TDRD12: variants seen among roughly 807,000 people sequenced by gnomAD.
TDRD12 encodes the protein tudor domain containing 12.
A neutral mutation model predicts 133.5 loss-of-function variants in TDRD12; 158 were observed. The ratio of observed to expected loss-of-function variants is 1.18; its 90% confidence interval spans 1.04 to 1.35. The LOEUF (loss-of-function observed/expected upper bound fraction) is 1.35. TDRD12 is among the 40% of genes most tolerant of loss of function. TDRD12 has a pLI of 0.00. For synonymous variants in TDRD12, 460 were observed against 477.9 expected, an observed-to-expected ratio of 0.96 and a Z score of 0.49; for missense variants, 1,443 against 1,321.3, an observed-to-expected ratio of 1.09 and a Z score of -1.43.
chr19:32,776,043 C>T (rs1415439964), intron 10 of TDRD12, among the ~76,000 whole-genome samples: 2 of 152,240 alleles, frequency 1.3e-5, no homozygotes, highest in East Asian at 1.9e-4. Context: ...TCTGGGCCCT[C>T]GATGCTGCCT....
intron 4 of TDRD12, 140 bp from the exon 5 acceptor site, chr19:32,748,336 C>A: frequency 1.3e-6 from 1 of 793,558 alleles, no homozygotes; most frequent in Non-Finnish European, 2.0e-6. Flanking sequence ...CAGAGCAGGG[C>A]CAGTGCCAGG....
chr19:32,796,534 A>G (rs1420423910), intron 14 of TDRD12, among the ~76,000 whole-genome samples: 1 of 152,020 alleles, frequency 6.6e-6, no homozygotes, highest in East Asian at 1.9e-4. Context: ...GCGGTGAGGC[A>G]AGATCGCACC....
chr19:32,778,696 T>G (rs534283236), intron 11 of TDRD12, among the ~76,000 whole-genome samples: 2 of 152,074 alleles, frequency 1.3e-5, no homozygotes, highest in African/African-American at 4.8e-5. Flanking sequence ...GATGGGGTTT[T>G]GCCATGTTGG....
intron 1 of TDRD12, among the ~76,000 whole-genome samples, chr19:32,729,778 CT>C (rs1162347194): frequency 0.11 from 8,225 of 73,390 alleles, 23 homozygotes; most frequent in African/African-American, 0.17. Flanking sequence ...TTTTCTTTTT[CT>C]TTTTTTTTTT....
At chr19:32,795,567 T>C (rs1971202054) in intron 14 of TDRD12, among the ~76,000 whole-genome samples, 1 of 152,172 alleles carries the variant, frequency 6.6e-6, no homozygotes, top group African/African-American at 2.4e-5. Context: ...TCCCGTGCTC[T>C]GCCAGTCATT....
intron 1 of TDRD12, among the ~76,000 whole-genome samples, chr19:32,725,569 T>C (rs1968832207): frequency 6.6e-6 from 1 of 152,186 alleles, no homozygotes; most frequent in South Asian, 2.1e-4. Flanking sequence ...GTTACATTGG[T>C]CTATGTGTCT....
intron 2 of TDRD12, 85 bp downstream of exon 2, chr19:32,731,968 C>A: frequency 7.4e-7 from 1 of 1,346,384 alleles, no homozygotes; most frequent in Non-Finnish European, 9.9e-7. Context: ...ATGATTCAAG[C>A]TTTTAGAGTA....
At chr19:32,749,252 G>T (rs1599855280) in intron 5 of TDRD12, among the ~76,000 whole-genome samples, 1 of 152,254 alleles carries the variant, frequency 6.6e-6, no homozygotes, top group South Asian at 2.1e-4. Context: ...TGAGAATGCG[G>T]GTCTGGAGGA....
chr19:32,757,700 T>C (rs765607113), intron 8 of TDRD12, among the ~76,000 whole-genome samples: 1 of 152,128 alleles, frequency 6.6e-6, no homozygotes, highest in Non-Finnish European at 1.5e-5. Flanking sequence ...AGTGAAACAA[T>C]GTTATAACGA....
intron 14 of TDRD12, 77 bp downstream of exon 14, chr19:32,794,890 G>A (rs1324700067): frequency 1.5e-6 from 1 of 648,770 alleles, no homozygotes; most frequent in Non-Finnish European, 2.8e-6. Context: ...CACCTTTGAG[G>A]AAGGTCGTCT....
At chr19:32,758,153 G>A (rs1970050003) in intron 8 of TDRD12, among the ~76,000 whole-genome samples, 1 of 152,126 alleles carries the variant, frequency 6.6e-6, no homozygotes, top group Non-Finnish European at 1.5e-5. Context: ...GAAGAATAAG[G>A]TTATGCTGAC....
intron 10 of TDRD12, 132 bp downstream of exon 10, chr19:32,773,664 C>A (rs955774442): frequency 1.5e-6 from 1 of 647,194 alleles, no homozygotes; most frequent in Non-Finnish European, 2.7e-6. Context: ...TACCACTGTA[C>A]TCCAGCCTGG....
exon 10 of TDRD12, chr19:32,827,380 T>C (rs398040829): frequency 0.066 from 30,162 of 454,052 alleles, 905 homozygotes; most frequent in East Asian, 0.16. Flanking sequence ...TTCTTTTTTT[T>C]TTTTTTTTTT....
intron 11 of TDRD12, 75 bp from the exon 12 acceptor site, chr19:32,790,456 G>A (rs1971036182): frequency 7.8e-6 from 11 of 1,412,402 alleles, no homozygotes; most frequent in Non-Finnish European, 1.1e-5. Flanking sequence ...CTCTGTCAAG[G>A]AAGAACTAAA....
At chr19:32,826,022 G>GTATATA, downstream of TDRD12, 1 of 1,049,620 alleles carries the variant, frequency 9.5e-7, no homozygotes, top group South Asian at 1.5e-5. Context: ...GTACAAAAAA[G>GTATATA]TATATATATA....
chr19:32,750,703 C>A (rs2145520214), intron 6 of TDRD12, among the ~76,000 whole-genome samples: 1 of 152,354 alleles, frequency 6.6e-6, no homozygotes, highest in African/African-American at 2.4e-5. Flanking sequence ...CCTTCCCCTC[C>A]TCTGGCCTGT....
chr19:32,788,320 C>T (rs1452609217), intron 11 of TDRD12, among the ~76,000 whole-genome samples: 1 of 151,862 alleles, frequency 6.6e-6, no homozygotes, highest in Non-Finnish European at 1.5e-5. Flanking sequence ...CTATATTGGC[C>T]AGGCTGGTCT....
At chr19:32,787,655 C>G (rs1287657836) in intron 11 of TDRD12, among the ~76,000 whole-genome samples, 1 of 152,180 alleles carries the variant, frequency 6.6e-6, no homozygotes, top group African/African-American at 2.4e-5. Context: ...ATGGTGGACA[C>G]CCCTCCCCAC....
rs1971271292 is a variant in TDRD12 at position 32,797,719 on chromosome 19, TTGTC to T, written c.1474-10_1474-7del. On this transcript the variant is annotated splice_polypyrimidine_tract_variant and intron_variant, in intron 14 of 27. Transcript: ENST00000444215. ...AACTACTGTCTGGAGTCATTTGAAT[TTGTC>T]TGTCTTCGCAGCCTCTCGCAGTCAT... The T allele has an allele frequency of 1.5e-6, 1 of 654,966 alleles. No individual in the cohort carries two copies. Among genetic ancestry groups the T allele is most frequent in the African/African-American group, 1.8e-5 (1 of 54,982 alleles). 40.6% of individuals were successfully genotyped at this position (654,966 alleles called of 1,614,324 possible).
Sources: allele counts gnomAD v4.1 joint callset (sites outside exome capture counted in the v4.1 genomes callset), GRCh38; gene constraint gnomAD v4.1.1; transcripts MANE v1.5; gene names NCBI Gene and HGNC (gene_info 2026-07-23, HGNC 2026-07-21).